SOS2: variants seen among roughly 807,000 people sequenced by gnomAD.
SOS2 encodes the protein SOS Ras/Rho guanine nucleotide exchange factor 2.
Under a neutral mutation model 148.2 loss-of-function variants are expected in SOS2, and 65 were observed. That is an observed-to-expected ratio of 0.44 (90% CI 0.36 to 0.54). The LOEUF (loss-of-function observed/expected upper bound fraction) is 0.54, where lower values mean the gene tolerates loss of function less well. SOS2 is among the 20% of genes least tolerant of loss of function. SOS2 has a pLI of 0.00. For missense variants in SOS2, 1,341 were observed against 1,590.2 expected (o/e 0.84, Z 2.67); for synonymous variants, 539 against 537.1 (o/e 1.00, Z -0.05).
intron 4 of SOS2, among the ~76,000 whole-genome samples, chr14:50,189,588 A>C (rs540507510): frequency 4.1e-4 from 63 of 152,216 alleles, no homozygotes; most frequent in African/African-American, 1.5e-3. Flanking sequence ...TACATATTTG[A>C]GTAGGGTTAA....
chr14:50,121,537 GGGA>G, intron 21 of SOS2, among the ~76,000 whole-genome samples: 5 of 127,946 alleles, frequency 3.9e-5, no homozygotes, highest in Admixed American at 8.7e-5. Flanking sequence ...GGGGAGGGGG[GGGA>G]GTCCTGTTGA....
intron 1 of SOS2, among the ~76,000 whole-genome samples, chr14:50,210,983 AC>A (rs1886851047): frequency 6.6e-6 from 1 of 152,164 alleles, no homozygotes; most frequent in African/African-American, 2.4e-5. Context: ...GCCATTAAGT[AC>A]TAAAGTTCAA....
intron 1 of SOS2, among the ~76,000 whole-genome samples, chr14:50,230,170 T>C (rs1887496716): frequency 6.6e-6 from 1 of 152,242 alleles, no homozygotes; most frequent in East Asian, 1.9e-4. Context: ...TAAAATACAC[T>C]ACTTCCTTTC....
chr14:50,172,434 C>CTTTTTTTTTTTTTTTTTTTTTTTTTTTT (rs1885396838), intron 8 of SOS2, among the ~76,000 whole-genome samples: 2 of 118,334 alleles, frequency 1.7e-5, no homozygotes, highest in African/African-American at 3.2e-5. Flanking sequence ...TTTTTTTTTT[C>CTTTTTTTTTTTTTTTTTTTTTTTTTTTT]TGAGATGGAG....
At chr14:50,134,369 C>G (rs1884005567) in intron 18 of SOS2, 130 bp from the exon 19 acceptor site, 1 of 550,022 alleles carries the variant, frequency 1.8e-6, no homozygotes, top group Admixed American at 3.2e-5. Context: ...ACATTAAGAG[C>G]CCACAATATG....
At chr14:50,178,670 G>GTGTATATATATA (rs1566839555) in intron 7 of SOS2, among the ~76,000 whole-genome samples, 3 of 68,012 alleles carry the variant, frequency 4.4e-5, no homozygotes, top group South Asian at 4.7e-4. Context: ...GTGTGTGTGT[G>GTGTATATATATA]CATATATATA....
In SOS2 at chr14:50,231,355, G is replaced by C. The variant is rs949497968; in HGVS notation, c.-72C>G. 6 of 641,228 alleles carry C rather than the reference G, an allele frequency of 9.4e-6. No individual in the cohort carries two copies. The highest frequency in any genetic ancestry group is 5.9e-5 in the African/African-American group (3 of 50,598). 39.7% of individuals were successfully genotyped at this position (641,228 alleles called of 1,614,324 possible). ...GCCGGTGGCCTGACAGGCAGGGCGC[G>C]GGCCGCCTCGCCTCGCCGGCGGCCG... is the stretch of plus-strand genomic sequence containing the variant. On this transcript the variant is annotated 5_prime_UTR_variant, in exon 1 of 23. Coordinates refer to ENST00000216373, the MANE Select transcript of SOS2 (RefSeq NM_006939.4).
chr14:50,189,994 G>C (rs1886076911), intron 4 of SOS2, among the ~76,000 whole-genome samples: 1 of 151,734 alleles, frequency 6.6e-6, no homozygotes, highest in African/African-American at 2.4e-5. Context: ...GATTACAGGT[G>C]CACGCCACCA....
At chr14:50,184,236 T>G (rs1270327396) in intron 5 of SOS2, among the ~76,000 whole-genome samples, 1 of 152,204 alleles carries the variant, frequency 6.6e-6, no homozygotes, top group Non-Finnish European at 1.5e-5. Flanking sequence ...ATCATATGAC[T>G]GACCATCCCG....
At chr14:50,128,198 A>T (rs1311705500) in intron 21 of SOS2, among the ~76,000 whole-genome samples, 1 of 152,174 alleles carries the variant, frequency 6.6e-6, no homozygotes, top group Non-Finnish European at 1.5e-5. Flanking sequence ...ACAATGAAAG[A>T]AAGTTCTAGG....
chr14:50,139,515 C>T (rs1884198896), intron 17 of SOS2, among the ~76,000 whole-genome samples: 1 of 152,100 alleles, frequency 6.6e-6, no homozygotes, highest in South Asian at 2.1e-4. Context: ...GCCCAAAATA[C>T]CAAAATTGTT....
chr14:50,218,949 C>G (rs1433705080), intron 1 of SOS2, among the ~76,000 whole-genome samples: 1 of 151,958 alleles, frequency 6.6e-6, no homozygotes, highest in African/African-American at 2.4e-5. Context: ...CCTGTCTCTA[C>G]TAAAAATAGA....
chr14:50,153,220 A>G, intron 12 of SOS2, 47 bp from the exon 13 acceptor site: 1 of 1,033,716 alleles, frequency 9.7e-7, no homozygotes, highest in African/African-American at 1.6e-5. Flanking sequence ...TAAGTGTTCA[A>G]TTACACTTCT....
intron 1 of SOS2, among the ~76,000 whole-genome samples, chr14:50,210,328 G>A (rs1156999946): frequency 6.6e-6 from 1 of 152,180 alleles, no homozygotes; most frequent in Non-Finnish European, 1.5e-5. Context: ...TGTATGAATA[G>A]TGTTGAACCA....
intron 18 of SOS2, among the ~76,000 whole-genome samples, chr14:50,134,554 T>C (rs1490821115): frequency 1.3e-5 from 2 of 152,220 alleles, no homozygotes; most frequent in Non-Finnish European, 2.9e-5. Flanking sequence ...ACTTTACTCC[T>C]ACTCATTGTA....
At chr14:50,163,809 C>T (rs762347303) in intron 8 of SOS2, among the ~76,000 whole-genome samples, 1 of 152,002 alleles carries the variant, frequency 6.6e-6, no homozygotes, top group Non-Finnish European at 1.5e-5. Flanking sequence ...TTTGTTTATC[C>T]AAATATCTAA....
chr14:50,200,127 A>G (rs1331957652), intron 3 of SOS2, among the ~76,000 whole-genome samples: 1 of 152,134 alleles, frequency 6.6e-6, no homozygotes, highest in Non-Finnish European at 1.5e-5. Context: ...CTCCACTAAA[A>G]GCCTCTTAAT....
Position 50,118,197 on chromosome 14 carries a change from C to T in SOS2, c.*147G>A. 1.4e-6 allele frequency: 1 copy of T among 689,744 alleles called. No individual in the cohort carries two copies. The allele number at this position is 689,744 out of a possible 1,614,324, so 42.7% of individuals were successfully genotyped here. A position where few individuals can be genotyped will look rare whatever the true frequency, so the allele number is the denominator to read the frequency against. On this transcript the variant is annotated 3_prime_UTR_variant, in exon 23 of 23. Transcript: ENST00000216373. ...AAGGACTTTTGTATTTTTATTTTTC[C>T]AATTCTTAAAAGCTTATTTGATCAG...
intron 11 of SOS2, among the ~76,000 whole-genome samples, chr14:50,158,294 G>C (rs1884881640): frequency 6.6e-6 from 1 of 151,724 alleles, no homozygotes; most frequent in Non-Finnish European, 1.5e-5. Context: ...TTATTACACA[G>C]AACAATATTC....
Sources: gnomAD v4.1 joint callset for allele counts (sites outside exome capture counted in the v4.1 genomes callset) on GRCh38, gnomAD v4.1.1 for gene constraint, MANE v1.5 for transcripts, NCBI Gene and HGNC (gene_info 2026-07-23, HGNC 2026-07-21) for gene names.